Variants in CCSER1 observed in about 807,000 individuals in gnomAD.
CCSER1 encodes the protein serine-rich coiled-coil domain-containing protein 1.
CCSER1 carries 41 observed loss-of-function variants against 82.0 expected under a neutral mutation model. That is an observed-to-expected ratio of 0.50 (90% CI 0.39 to 0.65). The LOEUF is 0.65. Ranked by LOEUF, CCSER1 falls within the 30% of genes least tolerant of loss-of-function variation. CCSER1 has a pLI of 0.00. For synonymous variants in CCSER1, 414 were observed against 383.9 expected, an observed-to-expected ratio of 1.08 and a Z score of -0.92; for missense variants, 1,119 against 1,064.2, an observed-to-expected ratio of 1.05 and a Z score of -0.72.
intron 10 of CCSER1, among the ~76,000 whole-genome samples, chr4:91,486,913 A>T (rs1335353744): frequency 6.6e-6 from 1 of 152,092 alleles, no homozygotes; most frequent in East Asian, 1.9e-4. Context: ...ACCATTGTAT[A>T]ATGTTAGTAT....
intron 6 of CCSER1, among the ~76,000 whole-genome samples, chr4:90,720,910 CAG>C (rs1742562371): frequency 6.6e-6 from 1 of 151,672 alleles, no homozygotes; most frequent in African/African-American, 2.4e-5. Context: ...TTTTTAGTGA[CAG>C]AATATTGAGT....
At chr4:90,454,498 T>C (rs763053408) in intron 4 of CCSER1, among the ~76,000 whole-genome samples, 1 of 152,156 alleles carries the variant, frequency 6.6e-6, no homozygotes, top group African/African-American at 2.4e-5. Context: ...TTTTCTATCA[T>C]GTTTAGCTTG....
At chr4:91,481,445 G>C (rs535043972) in intron 10 of CCSER1, among the ~76,000 whole-genome samples, 1 of 151,996 alleles carries the variant, frequency 6.6e-6, no homozygotes, top group Admixed American at 6.6e-5. Flanking sequence ...ACACAAATCA[G>C]GTTGGTTGAG....
chr4:90,368,574 G>A (rs1746721779), intron 3 of CCSER1, among the ~76,000 whole-genome samples: 1 of 151,866 alleles, frequency 6.6e-6, no homozygotes, highest in African/African-American at 2.4e-5. Flanking sequence ...TGAGGCTGAA[G>A]TGAGCCATGA....
intron 8 of CCSER1, among the ~76,000 whole-genome samples, chr4:90,823,273 T>C (rs1350383510): frequency 6.6e-6 from 1 of 152,104 alleles, no homozygotes; most frequent in Non-Finnish European, 1.5e-5. Flanking sequence ...TAAAATTTTT[T>C]TCAATTATCA....
chr4:90,612,573 G>A (rs4419444), intron 5 of CCSER1, among the ~76,000 whole-genome samples: 73,050 of 151,978 alleles, frequency 0.48, 20,862 homozygotes, highest in African/African-American at 0.8. Flanking sequence ...ATAATTTTCT[G>A]TTGCTTCCCT....
intron 5 of CCSER1, among the ~76,000 whole-genome samples, chr4:90,537,742 T>A (rs1198736205): frequency 4.6e-5 from 7 of 152,178 alleles, no homozygotes; most frequent in South Asian, 2.1e-4. Flanking sequence ...ACAGTGCTAG[T>A]TTAGTTGTTC....
At chr4:91,017,811 TTG>T (rs34719158) in intron 9 of CCSER1, among the ~76,000 whole-genome samples, 54,810 of 143,732 alleles carry the variant, frequency 0.38, 10,871 homozygotes, top group African/African-American at 0.52. Flanking sequence ...GGTTTTTAAA[TTG>T]TGTGTGTGTG....
intron 6 of CCSER1, among the ~76,000 whole-genome samples, chr4:90,638,160 T>C (rs1725773136): frequency 6.6e-6 from 1 of 152,176 alleles, no homozygotes; most frequent in Non-Finnish European, 1.5e-5. Flanking sequence ...GCATCTTCTG[T>C]GTGAGTGAAC....
At chr4:91,388,088 A>G (rs1751416510) in intron 10 of CCSER1, among the ~76,000 whole-genome samples, 1 of 152,024 alleles carries the variant, frequency 6.6e-6, no homozygotes, top group Middle Eastern at 3.2e-3. Context: ...ATGAAATGGC[A>G]AAAGCTGGTC....
At chr4:91,256,795 T>A (rs1193687567) in intron 10 of CCSER1, among the ~76,000 whole-genome samples, 1 of 152,204 alleles carries the variant, frequency 6.6e-6, no homozygotes, top group Non-Finnish European at 1.5e-5. Context: ...TTCATTTTGA[T>A]GTTAAGTAAC....
At chr4:90,440,050 A>G (rs1217859250) in intron 4 of CCSER1, among the ~76,000 whole-genome samples, 1 of 151,518 alleles carries the variant, frequency 6.6e-6, no homozygotes, top group Non-Finnish European at 1.5e-5. Flanking sequence ...CCTAGGCTGG[A>G]TGGAGTACAG....
rs113263174 is a variant in CCSER1, at chr4:91,433,649, G to A, written c.2218-164923G>A. Reference sequence around the variant, plus strand: ...GTATTCAGTACAATAACTGCTGTACGGGTTTGTAGCCTAGAAGCAATGGGC... The same window carrying A: ...GTATTCAGTACAATAACTGCTGTACAGGTTTGTAGCCTAGAAGCAATGGGC... On this transcript the variant is annotated intron_variant, in intron 10 of 10. Transcript: ENST00000509176. 2.0e-3 allele frequency among the ~76,000 whole-genome samples: 305 copies of A among 152,274 alleles called. 2 individuals are homozygous for A. Among genetic ancestry groups the A allele is most frequent in the African/African-American group, 6.6e-3 (273 of 41,552 alleles).
chr4:91,462,075 A>T lies in CCSER1; in HGVS notation c.2218-136497A>T, dbSNP rs758190173. On this transcript the variant is annotated intron_variant, in intron 10 of 10. Coordinates refer to ENST00000509176, the MANE Select transcript of CCSER1 (RefSeq NM_001145065.2). Reference sequence around the variant, plus strand: ...TTAAGGGATAAAAAGATGTAAGGGGAAATGTTTAAGAGTGAAACTTTTCAG... The same window carrying T: ...TTAAGGGATAAAAAGATGTAAGGGGTAATGTTTAAGAGTGAAACTTTTCAG... Among the ~76,000 whole-genome samples, 425 of 152,294 alleles carry T rather than the reference A, an allele frequency of 2.8e-3. 5 individuals are homozygous for T. Among genetic ancestry groups the T allele is most frequent in the Non-Finnish European group, 1.0e-3 (68 of 68,024 alleles).
intron 6 of CCSER1, 125 bp from the exon 7 acceptor site, chr4:90,723,789 T>C (rs1743133010): frequency 4.7e-6 from 2 of 428,138 alleles, no homozygotes; most frequent in Non-Finnish European, 8.5e-6. Context: ...TTAAATCTGA[T>C]TTTTTACATT....
At chr4:90,531,061 T>C (rs1774453118) in intron 5 of CCSER1, among the ~76,000 whole-genome samples, 1 of 152,190 alleles carries the variant, frequency 6.6e-6, no homozygotes, top group African/African-American at 2.4e-5. Flanking sequence ...ATTTAGTTCA[T>C]GTTTGTTTAT....
chr4:90,664,396 C>G (rs897100084), intron 6 of CCSER1, among the ~76,000 whole-genome samples: 1 of 152,118 alleles, frequency 6.6e-6, no homozygotes, highest in Non-Finnish European at 1.5e-5. Flanking sequence ...AAACAAGGCA[C>G]AAATTCCTAC....
At chr4:90,830,176 A>G (rs1264422949) in intron 8 of CCSER1, among the ~76,000 whole-genome samples, 1 of 152,192 alleles carries the variant, frequency 6.6e-6, no homozygotes, top group Admixed American at 6.5e-5. Context: ...GCTTAACTAC[A>G]GCATAAAATG....
intron 10 of CCSER1, among the ~76,000 whole-genome samples, chr4:91,189,982 G>T (rs966128402): frequency 6.6e-6 from 1 of 152,298 alleles, no homozygotes; most frequent in Non-Finnish European, 1.5e-5. Flanking sequence ...TCACTGAGTT[G>T]CTAATGCAGT....
Sources: gnomAD v4.1 joint callset for allele counts (sites outside exome capture counted in the v4.1 genomes callset) on GRCh38, gnomAD v4.1.1 for gene constraint, MANE v1.5 for transcripts, NCBI Gene and HGNC (gene_info 2026-07-23, HGNC 2026-07-21) for gene names.